Variants in MAP2K5 observed in about 807,000 individuals in gnomAD.
MAP2K5 encodes mitogen-activated protein kinase kinase 5.
Under a neutral mutation model 83.1 loss-of-function variants are expected in MAP2K5, and 49 were observed. The ratio of observed to expected loss-of-function variants is 0.59; its 90% CI spans 0.47 to 0.75. The LOEUF (loss-of-function observed/expected upper bound fraction) is 0.75. MAP2K5 is among the 30% of genes least tolerant of loss of function. The pLI is 0.00. For synonymous variants in MAP2K5, 202 were observed against 191.8 expected (o/e 1.05, Z -0.44); for missense variants, 457 against 557.5 (o/e 0.82, Z 1.82).
At chr15:67,712,637 G>A (rs773103296) in intron 16 of MAP2K5, among the ~76,000 whole-genome samples, 3 of 151,980 alleles carry the variant, frequency 2.0e-5, no homozygotes, top group East Asian at 3.9e-4. Context: ...GAACCAAGTC[G>A]GCCAGGTGCA....
intron 3 of MAP2K5, among the ~76,000 whole-genome samples, chr15:67,575,218 T>C (rs1019729086): frequency 2.6e-5 from 4 of 152,130 alleles, no homozygotes; most frequent in African/African-American, 7.2e-5. Context: ...AACTTTGAAG[T>C]GGCTAAAGTA....
At chr15:67,726,015 T>C (rs956265752) in intron 16 of MAP2K5, among the ~76,000 whole-genome samples, 4 of 152,188 alleles carry the variant, frequency 2.6e-5, no homozygotes, top group Non-Finnish European at 5.9e-5. Context: ...ATCTACACTC[T>C]CTTTCTTTCA....
chr15:67,621,503 C>T (rs1390366439), intron 8 of MAP2K5, among the ~76,000 whole-genome samples: 2 of 145,148 alleles, frequency 1.4e-5, no homozygotes, highest in African/African-American at 2.5e-5. Flanking sequence ...AAACCAAAAG[C>T]TGGTTCTTTG....
At position 67,566,753 on chromosome 15, in the gene MAP2K5, T is replaced by C. The variant is rs141599099; in HGVS notation, c.252+3403T>C. Among the ~76,000 whole-genome samples the C allele has an allele frequency of 1.9e-3, 294 of 152,340 alleles. 1 individual carries two copies. The highest frequency in any genetic ancestry group is 6.5e-3 in the African/African-American group (269 of 41,580). ...GGCTTTGGGCCAGTACAAGTGTACA[T>C]TTTTATTAGTAATTTAAATAGATTT... is the stretch of plus-strand genomic sequence containing the variant. On this transcript the variant is annotated intron_variant, in intron 3 of 21. Coordinates refer to ENST00000178640, the MANE Select transcript of MAP2K5 (RefSeq NM_145160.3).
intron 8 of MAP2K5, among the ~76,000 whole-genome samples, chr15:67,620,414 A>C (rs74569532): frequency 2.4e-3 from 361 of 152,298 alleles, no homozygotes; most frequent in Non-Finnish European, 4.7e-3. Flanking sequence ...TAAAGTATAT[A>C]CCTGTGAATT....
intron 13 of MAP2K5, among the ~76,000 whole-genome samples, chr15:67,681,128 T>G (rs2087805546): frequency 6.6e-6 from 1 of 152,252 alleles, no homozygotes; most frequent in African/African-American, 2.4e-5. Context: ...CCAGCAGTGC[T>G]AAGCACACAG....
At chr15:67,789,365 A>G (rs1489353397) in intron 21 of MAP2K5, among the ~76,000 whole-genome samples, 1 of 152,038 alleles carries the variant, frequency 6.6e-6, no homozygotes, top group South Asian at 2.1e-4. Flanking sequence ...CTTCTTCTTC[A>G]TCTCTTCTGA....
chr15:67,630,750 T>G (rs2086453429), intron 8 of MAP2K5, 138 bp from the exon 9 acceptor site: 2 of 656,882 alleles, frequency 3.0e-6, no homozygotes, highest in Non-Finnish European at 5.4e-6. Flanking sequence ...AAATGTAAAT[T>G]ACTAATGTTG....
At position 67,552,281 on chromosome 15, in the gene MAP2K5, T is replaced by C. The variant is rs1656272846; in HGVS notation, c.184+2199T>C. Among the ~76,000 whole-genome samples, 1 of 152,244 alleles carries C rather than the reference T, an allele frequency of 6.6e-6. No individual in the cohort carries two copies. The highest frequency in any genetic ancestry group is 2.4e-5 in the African/African-American group (1 of 41,462). On this transcript the variant is annotated intron_variant, in intron 2 of 21. Coordinates refer to ENST00000178640, the MANE Select transcript of MAP2K5 (RefSeq NM_145160.3). The surrounding 1 kb of genome is among the most constrained non-coding windows in gnomAD (Gnocchi z 4.2). ...AAATACATACTAGTGTTGCAAGCTT[T>C]ATTCAGACTCTTTGCAGTAACTCCT...
At chr15:67,718,769 A>G (rs986902982) in intron 16 of MAP2K5, among the ~76,000 whole-genome samples, 6 of 152,138 alleles carry the variant, frequency 3.9e-5, no homozygotes, top group Non-Finnish European at 5.9e-5. Context: ...ATCTCAAAAA[A>G]TATTTTTTAT....
At chr15:67,647,464 A>G (rs1832217037) in intron 11 of MAP2K5, among the ~76,000 whole-genome samples, 1 of 152,172 alleles carries the variant, frequency 6.6e-6, no homozygotes, top group South Asian at 2.1e-4. Flanking sequence ...ATTTTTGTTG[A>G]AACAGGGCAC....
Position 67,600,712 on chromosome 15 carries a change from G to A in MAP2K5, c.508G>A (p.Asp170Asn). 1 of 1,609,190 alleles carries A rather than the reference G, an allele frequency of 6.2e-7. No homozygotes were observed. Among genetic ancestry groups the A allele is most frequent in the Non-Finnish European group, 8.5e-7 (1 of 1,178,650 alleles). The change falls in exon 8 of 22, where the codon GAC (aspartate) becomes AAC (asparagine). Residue 170 changes from aspartate to asparagine, a missense_variant. Asp to Asn is a conservative substitution (Grantham distance 23). Around this residue, in one of 3 missense-constraint regions of MAP2K5, gnomAD observed 234 missense variants for 243.6 expected, o/e 0.96. Transcript: ENST00000178640. ...GAATGAACAAGACATACGATATCGG[G>A]ACACTCTTGGTCATGGCAACGGAGG... ...QMNEQDIRYR[D>N]TLGHGNGGTV...
chr15:67,580,589 A>G (rs1425323327), intron 3 of MAP2K5, among the ~76,000 whole-genome samples, 165 bp from the exon 4 acceptor site: 2 of 152,218 alleles, frequency 1.3e-5, no homozygotes, highest in East Asian at 3.8e-4. Context: ...TCAATCCTAA[A>G]TATTCACTAT....
chr15:67,616,188 G>T (rs182193119), intron 8 of MAP2K5, among the ~76,000 whole-genome samples: 4 of 124,838 alleles, frequency 3.2e-5, no homozygotes, highest in African/African-American at 1.2e-4. Context: ...ATGTCACACA[G>T]AGCAAAGAAG....
At position 67,703,423 on chromosome 15, in the gene MAP2K5, C is replaced by T. The variant is rs757398096; in HGVS notation, c.1044+15C>T. 6.2e-7 allele frequency: 1 copy of T among 1,602,120 alleles called. No individual in the cohort carries two copies. The highest frequency in any genetic ancestry group is 1.1e-5 in the South Asian group (1 of 90,724). ...CTTTTATGGAGGTACGTTGTTTGCACATAGACGCTTCTGTGCATATCTGTA... is the reference window on the plus strand; with the variant it reads ...CTTTTATGGAGGTACGTTGTTTGCATATAGACGCTTCTGTGCATATCTGTA... On this transcript the variant is annotated intron_variant, in intron 16 of 21. Coordinates refer to ENST00000178640, the MANE Select transcript of MAP2K5 (RefSeq NM_145160.3).
intron 19 of MAP2K5, among the ~76,000 whole-genome samples, chr15:67,766,788 T>C (rs144069789): frequency 6.6e-6 from 1 of 152,330 alleles, no homozygotes. Context: ...TGCTTTCCTT[T>C]GGAGTGTTAA....
At chr15:67,604,846 G>T (rs1208741508) in intron 8 of MAP2K5, among the ~76,000 whole-genome samples, 3 of 151,824 alleles carry the variant, frequency 2.0e-5, no homozygotes, top group Non-Finnish European at 4.4e-5. Flanking sequence ...AGTGAGCCGA[G>T]ATTGTGGCAC....
At chr15:67,715,594 A>G (rs1409971559) in intron 16 of MAP2K5, among the ~76,000 whole-genome samples, 2 of 152,210 alleles carry the variant, frequency 1.3e-5, no homozygotes, top group African/African-American at 4.8e-5. Context: ...AGTTTTTCCA[A>G]CAGCACATAC....
At chr15:67,612,790 T>G (rs2085958108) in intron 8 of MAP2K5, among the ~76,000 whole-genome samples, 1 of 152,232 alleles carries the variant, frequency 6.6e-6, no homozygotes, top group Non-Finnish European at 1.5e-5. Flanking sequence ...AATCACAGCC[T>G]AGTTGATGAA....
Sources: allele counts gnomAD v4.1 joint callset (sites outside exome capture counted in the v4.1 genomes callset), GRCh38; gene constraint gnomAD v4.1.1; regional missense constraint gnomAD v4.1.1; non-coding constraint Gnocchi (gnomAD v3.1); transcripts MANE v1.5; gene names NCBI Gene and HGNC (gene_info 2026-07-23, HGNC 2026-07-21).